The following SYTL3 variants were observed in gnomAD, a reference collection of about 807,000 sequenced individuals.
The protein encoded by SYTL3 is synaptotagmin like 3.
A neutral mutation model predicts 82.1 loss-of-function variants in SYTL3; 88 were observed. The ratio of observed to expected loss-of-function variants is 1.07; its 90% CI spans 0.90 to 1.28. SYTL3 has a LOEUF of 1.28. Among genes scored for constraint, SYTL3 ranks in the 50% most tolerant of loss-of-function variants. The pLI, the probability that SYTL3 is intolerant of heterozygous loss-of-function variation, is 0.00. For synonymous variants in SYTL3, 311 were observed against 289.4 expected, an observed-to-expected ratio of 1.07 and a Z score of -0.76; for missense variants, 831 against 757.6, an observed-to-expected ratio of 1.10 and a Z score of -1.14.
chr6:158,725,931 C>T (rs1784674742), intron 11 of SYTL3: 6 of 680,344 alleles, frequency 8.8e-6, no homozygotes, highest in Admixed American at 2.0e-5. Context: ...CTGCAACTCG[C>T]GTAAACAGAT....
At chr6:158,679,957 T>C (rs1302685899) in intron 5 of SYTL3, among the ~76,000 whole-genome samples, 1 of 152,162 alleles carries the variant, frequency 6.6e-6, no homozygotes, top group Non-Finnish European at 1.5e-5. Context: ...TATGGATATT[T>C]TGGGCCCAGT....
At chr6:158,734,558 A>G (rs1583420944) in intron 11 of SYTL3, among the ~76,000 whole-genome samples, 1 of 151,732 alleles carries the variant, frequency 6.6e-6, no homozygotes, top group Non-Finnish European at 1.5e-5. Flanking sequence ...GCATTTCTGT[A>G]CCCTTCCCTC....
rs142965741 is a variant in SYTL3, at chr6:158,668,280, A to C, written c.329+2667A>C. Among the ~76,000 whole-genome samples the C allele has an allele frequency of 1.3e-3, 193 of 152,084 alleles. 6 individuals are homozygous for C. The East Asian group carries it at 0.031, about 24-fold the overall frequency. ...GTTTCACTCTTGTCACCCAGGCTGG[A>C]GTGCAGTGGTGTGATCTCGGCTCAC... On this transcript the variant is annotated intron_variant, in intron 5 of 17. Coordinates refer to ENST00000611299, the MANE Select transcript of SYTL3 (RefSeq NM_001242394.2).
At chr6:158,742,974 T>C (rs1039758893) in intron 11 of SYTL3, among the ~76,000 whole-genome samples, 1 of 152,174 alleles carries the variant, frequency 6.6e-6, no homozygotes. Context: ...ATCTCGGTAC[T>C]CGTGGATTTG....
intron 6 of SYTL3, among the ~76,000 whole-genome samples, chr6:158,700,987 A>G (rs1215454432): frequency 6.6e-6 from 1 of 152,240 alleles, no homozygotes; most frequent in Non-Finnish European, 1.5e-5. Context: ...GAGATGCAGA[A>G]GATGAGGCCA....
chr6:158,717,982 C>A (rs568047326), intron 9 of SYTL3, 105 bp from the exon 10 acceptor site: 3 of 1,190,944 alleles, frequency 2.5e-6, no homozygotes, highest in Non-Finnish European at 3.4e-6. Context: ...CTCTTAAGAC[C>A]TTGGGACCCA....
At chr6:158,675,042 T>G (rs1167367165) in intron 5 of SYTL3, among the ~76,000 whole-genome samples, 2 of 152,090 alleles carry the variant, frequency 1.3e-5, no homozygotes, top group Admixed American at 1.3e-4. Context: ...TCCTTACACC[T>G]TATACAAAAA....
chr6:158,763,211 T>C, intron 16 of SYTL3, 93 bp from the exon 17 acceptor site: 1 of 1,258,116 alleles, frequency 7.9e-7, no homozygotes, highest in Non-Finnish European at 1.2e-6. Flanking sequence ...CTTGGCACTT[T>C]TCTTAGTGCT....
intron 6 of SYTL3, among the ~76,000 whole-genome samples, chr6:158,700,670 G>A (rs1375458720): frequency 7.2e-5 from 11 of 152,152 alleles, no homozygotes; most frequent in Admixed American, 7.2e-4. Context: ...AGGCTGGAGT[G>A]CAGTGGAGCG....
rs1385165231 is a variant in SYTL3 at position 158,708,346 on chromosome 6, T to C, written c.471T>C (p.Thr157=). Residue 157 remains threonine (T), a synonymous_variant, in exon 8 of 18, where the codon ACT becomes ACC. Coordinates refer to ENST00000611299, the MANE Select transcript of SYTL3 (RefSeq NM_001242394.2). Reference sequence around the variant, plus strand: ...GCAAAATTTCTGTGGTTCCTCCTACTCCACCTCCTGTCAGCGAGAGCCAGT... The same window carrying C: ...GCAAAATTTCTGTGGTTCCTCCTACCCCACCTCCTGTCAGCGAGAGCCAGT... ...KLSKISVVPP[T]PPPVSESQCS... 1 of 1,614,238 alleles carries C rather than the reference T, an allele frequency of 6.2e-7. No individual in the cohort carries two copies. The highest frequency in any genetic ancestry group is 8.5e-7 in the Non-Finnish European group (1 of 1,180,034).
intron 9 of SYTL3, 108 bp from the exon 10 acceptor site, chr6:158,717,979 G>A (rs967800497): frequency 2.7e-6 from 3 of 1,125,890 alleles, no homozygotes; most frequent in African/African-American, 3.2e-5. Flanking sequence ...GCCCTCTTAA[G>A]ACCTTGGGAC....
intron 5 of SYTL3, among the ~76,000 whole-genome samples, chr6:158,671,220 C>T (rs75459103): frequency 0.031 from 4,774 of 152,206 alleles, 273 homozygotes; most frequent in African/African-American, 0.11. Flanking sequence ...GTGTGTCATT[C>T]TTCTTGTTGA....
chr6:158,718,059 C>A, intron 9 of SYTL3, 28 bp from the exon 10 acceptor site: 1 of 1,490,350 alleles, frequency 6.7e-7, no homozygotes, highest in Non-Finnish European at 9.0e-7. Flanking sequence ...CTTGTTCCCA[C>A]CCATCAACCC....
At chr6:158,757,513 G>A (rs1332653728) in intron 14 of SYTL3, 132 bp downstream of exon 14, 14 of 995,224 alleles carry the variant, frequency 1.4e-5, no homozygotes, top group East Asian at 2.5e-5. Context: ...CCGGCCTGGC[G>A]CTGTGACTTT....
intron 6 of SYTL3, among the ~76,000 whole-genome samples, chr6:158,693,855 C>CTTTTTTTTTCTTTTCTT (rs1780247649): frequency 1.0e-5 from 1 of 96,864 alleles, no homozygotes; most frequent in Non-Finnish European, 1.9e-5. Flanking sequence ...TTTTTCTTTT[C>CTTTTTTTTTCTTTTCTT]TTTTTTTTTT....
intron 5 of SYTL3, among the ~76,000 whole-genome samples, chr6:158,671,050 C>A (rs1407289527): frequency 4.0e-5 from 6 of 151,890 alleles, no homozygotes; most frequent in African/African-American, 1.2e-4. Context: ...GTGTTCCGCC[C>A]GCCTCAGCCT....
chr6:158,724,071 C>T (rs547622869), intron 10 of SYTL3, among the ~76,000 whole-genome samples: 3 of 152,314 alleles, frequency 2.0e-5, no homozygotes, highest in South Asian at 2.1e-4. Context: ...CAGAGGCCTG[C>T]GTGCTGGAGA....
At position 158,757,395 on chromosome 6, in the gene SYTL3, TTG is replaced by T. The variant is rs1421649795; in HGVS notation, c.1308+15_1308+16del. 1.9e-6 allele frequency: 3 copies of T among 1,612,706 alleles called. No homozygotes were observed. The East Asian group carries it at 6.7e-5, about 36-fold the overall frequency. On this transcript the variant is annotated intron_variant, in intron 14 of 17. Coordinates refer to ENST00000611299, the MANE Select transcript of SYTL3 (RefSeq NM_001242394.2). ...CTCCGGGCCAAGGTGATGTCTGGTT[TTG>T]GACTGAGTGCCCTCCATCCCCACTG...
rs537169393 is a variant in SYTL3 at position 158,708,509 on chromosome 6, G to A, written c.516+118G>A. 110 of 985,022 alleles carry A rather than the reference G, an allele frequency of 1.1e-4. No homozygotes were observed. In the African/African-American group the frequency reaches 1.7e-3, roughly 15 times the overall value. The allele number at this position is 985,022 out of a possible 1,614,324, so 61.0% of individuals were successfully genotyped here. A position where few individuals can be genotyped will look rare whatever the true frequency, so the allele number is the denominator to read the frequency against. ...AACCTCCCAGCAAAGGGATCTGACTGTGCCTGGAGCGGGTCACAAAGCGGG... is the reference window on the plus strand; with the variant it reads ...AACCTCCCAGCAAAGGGATCTGACTATGCCTGGAGCGGGTCACAAAGCGGG... On this transcript the variant is annotated intron_variant, in intron 8 of 17. Coordinates refer to ENST00000611299, the MANE Select transcript of SYTL3 (RefSeq NM_001242394.2).
Sources: gnomAD v4.1 joint callset for allele counts (sites outside exome capture counted in the v4.1 genomes callset) on GRCh38, gnomAD v4.1.1 for gene constraint, MANE v1.5 for transcripts, NCBI Gene and HGNC (gene_info 2026-07-23, HGNC 2026-07-21) for gene names.